The following HNRNPA2B1 variants were observed in gnomAD, a reference collection of about 807,000 sequenced individuals.
HNRNPA2B1 encodes heterogeneous nuclear ribonucleoprotein A2/B1.
Under a neutral mutation model 46.3 loss-of-function variants are expected in HNRNPA2B1, and 3 were observed. The observed-to-expected ratio is 0.06, with a 90% CI of 0.03 to 0.17. The LOEUF is 0.17. Ranked by LOEUF, HNRNPA2B1 falls within the 10% of genes least tolerant of loss-of-function variation. The probability of loss-of-function intolerance (pLI) is 1.00; values close to 1 mark genes in which losing one functional copy is unlikely to be tolerated. For synonymous variants in HNRNPA2B1, 225 were observed against 133.8 expected (o/e 1.68, Z -4.70); for missense variants, 221 against 418.9 (o/e 0.53, Z 4.12).
chr7:26,197,781 T>A, intron 1 of HNRNPA2B1, 49 bp from the exon 2 acceptor site: 1 of 1,596,116 alleles, frequency 6.3e-7, no homozygotes, highest in South Asian at 1.1e-5. Flanking sequence ...TTCCTCTTTG[T>A]ATGCAGGAAA....
At position 26,193,563 on chromosome 7, in the gene HNRNPA2B1, T is replaced by G. The variant is rs1214453962; in HGVS notation, c.841+12A>C. 3 of 1,575,134 alleles carry G rather than the reference T, an allele frequency of 1.9e-6. No homozygotes were observed. The South Asian group carries it at 3.5e-5, about 19-fold the overall frequency. ...CAAATTCCCACATAAAGGTTGCAGG[T>G]GAATTTATTACCTCCTCCATAGTTG... On this transcript the variant is annotated intron_variant, in intron 8 of 10. Transcript: ENST00000618183.
At position 26,193,305 on chromosome 7, in the gene HNRNPA2B1, T is replaced by C; in HGVS notation, c.910A>G (p.Met304Val). 2 of 1,613,034 alleles carry C rather than the reference T, an allele frequency of 1.2e-6. No homozygotes were observed. Among genetic ancestry groups the C allele is most frequent in the Non-Finnish European group, 1.7e-6 (2 of 1,179,024 alleles). ...CTACCACCAAAGTTTCCACTCTTCA[T>C]TGGACCGTAGTTAGAAGGTTGCTGG... The part of the protein sequence containing the change: ...YNQQPSNYGP[M>V]KSGNFGGSRN... Residue 304 changes from methionine to valine, a missense_variant, in exon 9 of 11, where the codon ATG becomes GTG. Met to Val is a conservative substitution (Grantham distance 21, BLOSUM62 1). Around this residue, in one of 2 missense-constraint regions of HNRNPA2B1, gnomAD observed 143 missense variants for 200.5 expected, o/e 0.71. Transcript: ENST00000618183.
rs771233964 is a variant in HNRNPA2B1, at chr7:26,196,570, C to T, written c.564G>A (p.Arg188=). Reference sequence around the variant, plus strand: ...AATTAAAATTACCTCCTCTTCCACTCCTAGAACTCTGAACTTCCTGCATTT... The same window carrying T: ...AATTAAAATTACCTCCTCTTCCACTTCTAGAACTCTGAACTTCCTGCATTT... ...RQEMQEVQSS[R]SGRGGNFGFG... Residue 188 remains arginine, a synonymous_variant, in exon 5 of 11, where the codon AGG becomes AGA. Transcript: ENST00000618183. 5.6e-6 allele frequency: 9 copies of T among 1,613,608 alleles called. No individual in the cohort carries two copies. The East Asian group carries it at 1.6e-4, about 28-fold the overall frequency.
rs1055939327 is a variant in HNRNPA2B1 at position 26,193,559 on chromosome 7, C to A, written c.841+16G>T. On this transcript the variant is annotated intron_variant, in intron 8 of 10. Coordinates refer to ENST00000618183, the MANE Select transcript of HNRNPA2B1 (RefSeq NM_002137.4). ...ATTCCAAATTCCCACATAAAGGTTG[C>A]AGGTGAATTTATTACCTCCTCCATA... 6.4e-7 allele frequency: 1 copy of A among 1,574,656 alleles called. No homozygotes were observed.
intron 3 of HNRNPA2B1, 141 bp downstream of exon 3, chr7:26,197,174 T>C (rs1029327120): frequency 8.3e-7 from 1 of 1,204,666 alleles, no homozygotes; most frequent in Non-Finnish European, 1.2e-6. Flanking sequence ...ATAAGCTAGC[T>C]TAAGAAAATG....
At position 26,191,991 on chromosome 7, in the gene HNRNPA2B1, TAAA is replaced by T. The variant is rs1013423622; in HGVS notation, c.*366_*368del. On this transcript the variant is annotated 3_prime_UTR_variant, in exon 11 of 11. Transcript: ENST00000618183. The stretch of plus-strand genomic sequence containing the variant: ...CTTTTCAAAACTTTGAGAAAAATCT[TAAA>T]AAAGGTTTCACATGTCACCTGAAAC... 2 of 152,674 alleles carry T rather than the reference TAAA, an allele frequency of 1.3e-5. No individual in the cohort carries two copies. Among genetic ancestry groups the T allele is most frequent in the Non-Finnish European group, 2.9e-5 (2 of 68,092 alleles). 9.5% of individuals were successfully genotyped at this position (152,674 alleles called of 1,614,324 possible).
chr7:26,200,464 G>T, intron 1 of HNRNPA2B1, 108 bp downstream of exon 1: 6 of 1,118,178 alleles, frequency 5.4e-6, no homozygotes, highest in African/African-American at 3.0e-5. Flanking sequence ...TACTGAATTG[G>T]TCCGATTTCC....
At chr7:26,196,522 G>A (rs1489426576) in intron 5 of HNRNPA2B1, 35 bp downstream of exon 5, 5 of 1,611,876 alleles carry the variant, frequency 3.1e-6, no homozygotes, top group Admixed American at 1.7e-5. Context: ...CCTTATATAT[G>A]AACAAAAATA....
At chr7:26,197,290 C>A in intron 3 of HNRNPA2B1, 25 bp downstream of exon 3, 1 of 1,589,580 alleles carries the variant, frequency 6.3e-7, no homozygotes, top group Non-Finnish European at 8.6e-7. Context: ...CATGTTAATG[C>A]ACAAGACAGT....
At chr7:26,197,787 G>T in intron 1 of HNRNPA2B1, 55 bp from the exon 2 acceptor site, 1 of 1,599,758 alleles carries the variant, frequency 6.3e-7, no homozygotes, top group South Asian at 1.1e-5. Flanking sequence ...TTTGTATGCA[G>T]GAAATTAAAT....
chr7:26,193,514 C>A (rs1444992289), intron 8 of HNRNPA2B1, 61 bp downstream of exon 8: 1 of 1,551,442 alleles, frequency 6.4e-7, no homozygotes, highest in Non-Finnish European at 8.7e-7. Flanking sequence ...AACAAAAGAT[C>A]AAGTGTTACA....
intron 3 of HNRNPA2B1, 23 bp from the exon 4 acceptor site, chr7:26,197,040 G>C: frequency 6.4e-7 from 1 of 1,571,992 alleles, no homozygotes; most frequent in East Asian, 2.2e-5. Context: ...TGGGGTAAAA[G>C]TCATCCAAAC....
In HNRNPA2B1 at chr7:26,192,507, G is replaced by C. The variant is rs772119326; in HGVS notation, c.*9C>G. On this transcript the variant is annotated 3_prime_UTR_variant, in exon 10 of 11. Transcript: ENST00000618183. The stretch of plus-strand genomic sequence containing the variant: ...AAAAGCTACTTACCCATGGCAAATA[G>C]GAAGAAGCTCAGTATCGGCTCCTCC... The C allele has an allele frequency of 2.5e-6, 4 of 1,610,878 alleles. No individual in the cohort carries two copies. In the African/African-American group the frequency reaches 4.0e-5, roughly 16 times the overall value.
rs1179181524 is a variant in HNRNPA2B1, at chr7:26,190,704, A to G, written c.*1656T>C. ...TAAGACACTGAACTAGAATTACCAC[A>G]TTTAACCCACCTATTTAGTACTGGA... is the stretch of plus-strand genomic sequence containing the variant. On this transcript the variant is annotated 3_prime_UTR_variant, in exon 11 of 11. Coordinates refer to ENST00000618183, the MANE Select transcript of HNRNPA2B1 (RefSeq NM_002137.4). 1 of 152,188 alleles carries G rather than the reference A, an allele frequency of 6.6e-6. No individual in the cohort carries two copies. Among genetic ancestry groups the G allele is most frequent in the Non-Finnish European group, 1.5e-5 (1 of 68,020 alleles). 9.4% of individuals were successfully genotyped at this position (152,188 alleles called of 1,614,324 possible).
At chr7:26,197,792 T>A in intron 1 of HNRNPA2B1, 60 bp from the exon 2 acceptor site, 1 of 1,600,140 alleles carries the variant, frequency 6.2e-7, no homozygotes, top group Non-Finnish European at 8.5e-7. Flanking sequence ...ATGCAGGAAA[T>A]TAAATTCTTA....
intron 7 of HNRNPA2B1, among the ~76,000 whole-genome samples, chr7:26,194,047 A>G (rs1442750303): frequency 6.6e-6 from 1 of 152,178 alleles, no homozygotes; most frequent in Non-Finnish European, 1.5e-5. Flanking sequence ...ACTTCCTCCT[A>G]CTGGCCCAAA....
At chr7:26,198,864 G>A (rs1014168601) in intron 1 of HNRNPA2B1, 2 of 152,174 alleles carry the variant, frequency 1.3e-5, no homozygotes, top group Admixed American at 6.5e-5. Flanking sequence ...TCTCATCCCA[G>A]TTCTACGGAG....
intron 1 of HNRNPA2B1, chr7:26,198,050 A>G: frequency 2.3e-6 from 1 of 438,310 alleles, no homozygotes. Flanking sequence ...TTTCTAAGGA[A>G]AAATAAACAA....
At chr7:26,195,626 T>TTTA in intron 7 of HNRNPA2B1, 1 of 532,440 alleles carries the variant, frequency 1.9e-6, no homozygotes, top group South Asian at 2.4e-5. Flanking sequence ...TGAGATACTC[T>TTTA]GATGGTTATC....
Sources: gnomAD v4.1 joint callset for allele counts (sites outside exome capture counted in the v4.1 genomes callset) on GRCh38, gnomAD v4.1.1 for gene constraint, gnomAD v4.1.1 regional missense constraint, MANE v1.5 for transcripts, NCBI Gene and HGNC (gene_info 2026-07-23, HGNC 2026-07-21) for gene names.